Variants in PPARG observed in about 807,000 individuals in gnomAD.
PPARG encodes the protein peroxisome proliferator-activated receptor gamma.
Under a neutral mutation model 39.2 loss-of-function variants are expected in PPARG, and 17 were observed. The observed-to-expected ratio is 0.43, with a 90% CI of 0.30 to 0.65. PPARG has a LOEUF of 0.65. Among genes scored for constraint, PPARG ranks in the 30% least tolerant of loss-of-function variants. PPARG has a pLI of 0.13. For synonymous variants in PPARG, 223 were observed against 215.7 expected (o/e 1.03, Z -0.30); for missense variants, 406 against 585.9 (o/e 0.69, Z 3.17).
rs554096118 is a variant in PPARG at position 12,400,370 on chromosome 3, G to T, written c.530-5512G>T. Among the ~76,000 whole-genome samples the T allele has an allele frequency of 2.0e-5, 3 of 152,270 alleles. No homozygotes were observed. The South Asian group carries it at 6.2e-4, about 32-fold the overall frequency. On this transcript the variant is annotated intron_variant, in intron 5 of 7. Coordinates refer to ENST00000651735, the MANE Select transcript of PPARG (RefSeq NM_138711.6). ...GACATCTAACTATTCCATGTGCTTG[G>T]TGTTTGTGTGTTCAGCAATATCAGT...
chr3:12,391,539 G>T (rs1361222704), intron 4 of PPARG, among the ~76,000 whole-genome samples: 2 of 152,168 alleles, frequency 1.3e-5, no homozygotes, highest in East Asian at 1.9e-4. Context: ...AAGGATTTTG[G>T]CTTGAGAAAC....
At chr3:12,306,334 G>A (rs1212151925) in intron 1 of PPARG, among the ~76,000 whole-genome samples, 1 of 152,172 alleles carries the variant, frequency 6.6e-6, no homozygotes, top group Non-Finnish European at 1.5e-5. Context: ...CTCATCTCCT[G>A]CCACGTGGCC....
chr3:12,377,419 G>A (rs2049455027), intron 2 of PPARG, among the ~76,000 whole-genome samples: 1 of 151,862 alleles, frequency 6.6e-6, no homozygotes. Flanking sequence ...CTCAATGTGG[G>A]GAAAACTTTC....
intron 2 of PPARG, among the ~76,000 whole-genome samples, chr3:12,331,211 C>A (rs953125164): frequency 3.3e-5 from 5 of 152,086 alleles, no homozygotes; most frequent in Admixed American, 2.6e-4. Flanking sequence ...ATGATGAGTG[C>A]TGTAAGGGAG....
At chr3:12,398,907 G>A (rs927249344) in intron 5 of PPARG, among the ~76,000 whole-genome samples, 7 of 152,142 alleles carry the variant, frequency 4.6e-5, no homozygotes, top group African/African-American at 1.7e-4. Context: ...AAACACAGAC[G>A]GAGTGAAAAC....
chr3:12,425,389 C>T (rs772342326), intron 7 of PPARG, among the ~76,000 whole-genome samples: 8 of 152,064 alleles, frequency 5.3e-5, no homozygotes, highest in Non-Finnish European at 1.0e-4. Context: ...AGAAGTCATA[C>T]CTGGCAGCTT....
chr3:12,306,727 A>G (rs546781312), intron 1 of PPARG, among the ~76,000 whole-genome samples: 1 of 152,368 alleles, frequency 6.6e-6, no homozygotes, highest in South Asian at 2.1e-4. Flanking sequence ...GCAACTTGAA[A>G]GTACCTGTTG....
chr3:12,410,144 A>G (rs919910693), intron 6 of PPARG, among the ~76,000 whole-genome samples: 1 of 152,148 alleles, frequency 6.6e-6, no homozygotes, highest in African/African-American at 2.4e-5. Context: ...AGACCTTTCA[A>G]CCGCCCTCAA....
At chr3:12,416,255 A>G (rs950937679) in intron 6 of PPARG, among the ~76,000 whole-genome samples, 2 of 152,158 alleles carry the variant, frequency 1.3e-5, no homozygotes, top group African/African-American at 4.8e-5. Context: ...AGTGCATGCC[A>G]GTAATCCCAG....
intron 6 of PPARG, among the ~76,000 whole-genome samples, chr3:12,409,033 G>A: frequency 6.6e-6 from 1 of 152,226 alleles, no homozygotes; most frequent in East Asian, 1.9e-4. Context: ...GGAGAGGGCT[G>A]CGAAATGCTT....
At chr3:12,353,828 A>C (rs1026031512) in intron 2 of PPARG, among the ~76,000 whole-genome samples, 6 of 152,112 alleles carry the variant, frequency 3.9e-5, no homozygotes, top group Admixed American at 3.9e-4. Flanking sequence ...CTCTGAAACC[A>C]TTTCCACTAG....
Position 12,429,568 on chromosome 3 carries a change from A to G in PPARG, c.1181-4330A>G, listed in dbSNP as rs976734551. On this transcript the variant is annotated intron_variant, in intron 7 of 7. Coordinates refer to ENST00000651735, the MANE Select transcript of PPARG (RefSeq NM_138711.6). ...TGTCTCTACCAAAAAAAAAAAAAAA[A>G]AAAAAGAAGCAGGTGGAGGAAGGAG... 8.7e-4 allele frequency among the ~76,000 whole-genome samples: 130 copies of G among 149,432 alleles called. 1 individual carries two copies. The East Asian group carries it at 0.02, about 23-fold the overall frequency.
At chr3:12,339,394 T>C (rs893136973) in intron 2 of PPARG, among the ~76,000 whole-genome samples, 22 of 152,178 alleles carry the variant, frequency 1.4e-4, no homozygotes, top group Non-Finnish European at 1.0e-4. Context: ...ATGGTGATGG[T>C]TGCAAAGCTT....
intron 4 of PPARG, among the ~76,000 whole-genome samples, chr3:12,384,148 T>G (rs1200168822): frequency 2.6e-5 from 4 of 152,002 alleles, no homozygotes; most frequent in Non-Finnish European, 5.9e-5. Flanking sequence ...ATAAGAAAAA[T>G]ATTATTCTTG....
At chr3:12,333,048 A>T (rs1458442087) in intron 2 of PPARG, among the ~76,000 whole-genome samples, 1 of 152,148 alleles carries the variant, frequency 6.6e-6, no homozygotes, top group Non-Finnish European at 1.5e-5. Context: ...AAAAATTCTG[A>T]AAAGTTACAT....
At chr3:12,385,690 A>T (rs2049844998) in intron 4 of PPARG, among the ~76,000 whole-genome samples, 1 of 152,174 alleles carries the variant, frequency 6.6e-6, no homozygotes, top group African/African-American at 2.4e-5. Flanking sequence ...CTGTATACAA[A>T]AGAATGCCGT....
rs1238847532 is a variant in PPARG at position 12,390,666 on chromosome 3, T to C, written c.391-1948T>C. ...TTTTTTTTTTTTTTTTTTGAGACAA[T>C]GTCTCACTCTGTCACCCAGACTGGA... On this transcript the variant is annotated intron_variant, in intron 4 of 7. Coordinates refer to ENST00000651735, the MANE Select transcript of PPARG (RefSeq NM_138711.6). Among the ~76,000 whole-genome samples, 4 of 102,898 alleles carry C rather than the reference T, an allele frequency of 3.9e-5. No homozygotes were observed. The Admixed American group carries it at 4.1e-4, about 11-fold the overall frequency. The allele number at this position is 102,898 out of a possible 152,430, so 67.5% of individuals were successfully genotyped here.
chr3:12,343,311 T>C (rs903183390), intron 2 of PPARG, among the ~76,000 whole-genome samples: 1 of 152,206 alleles, frequency 6.6e-6, no homozygotes, highest in Non-Finnish European at 1.5e-5. Flanking sequence ...CTTCTCTGTC[T>C]TTCAGGCTCA....
intron 1 of PPARG, among the ~76,000 whole-genome samples, chr3:12,292,089 T>C (rs1364308577): frequency 6.6e-6 from 1 of 152,230 alleles, no homozygotes; most frequent in African/African-American, 2.4e-5. Flanking sequence ...ACTTTGAGAT[T>C]GTTAAGATTG....
Sources: allele counts gnomAD v4.1 joint callset (sites outside exome capture counted in the v4.1 genomes callset), GRCh38; gene constraint gnomAD v4.1.1; transcripts MANE v1.5; gene names NCBI Gene and HGNC (gene_info 2026-07-23, HGNC 2026-07-21).